CPLX2: variants seen among roughly 807,000 people sequenced by gnomAD.
CPLX2 encodes complexin-2.
A neutral mutation model predicts 16.3 loss-of-function variants in CPLX2; 5 were observed. That is an observed-to-expected ratio of 0.31 (90% CI 0.16 to 0.64). CPLX2 has a LOEUF of 0.64. Ranked by LOEUF, CPLX2 falls within the 30% of genes least tolerant of loss-of-function variation. The pLI is 0.79. For synonymous variants in CPLX2, 89 were observed against 73.2 expected, an observed-to-expected ratio of 1.22 and a Z score of -1.10; for missense variants, 144 against 181.4, an observed-to-expected ratio of 0.79 and a Z score of 1.18.
intron 2 of CPLX2, among the ~76,000 whole-genome samples, chr5:175,860,047 C>T (rs1033055534): frequency 1.6e-4 from 25 of 152,264 alleles, no homozygotes; most frequent in Non-Finnish European, 2.4e-4. Context: ...CCCTCACACA[C>T]TGTCATCAGG....
intron 1 of CPLX2, among the ~76,000 whole-genome samples, chr5:175,799,539 C>CATATATATATTT (rs1227041477): frequency 0.046 from 3,286 of 72,018 alleles, 181 homozygotes; most frequent in African/African-American, 0.068. Context: ...TTGCAAATTT[C>CATATATATATTT]ATATATATAT....
rs534615771 is a variant in CPLX2 at position 175,877,763 on chromosome 5, T to C, written c.-88-889T>C. ...TCCCCCACCACCTCCACTGGAAGAG[T>C]TCCACTTTTACATATTTTGCATATT... On this transcript the variant is annotated intron_variant, in intron 1 of 3. Transcript: ENST00000393745. 5.9e-4 allele frequency among the ~76,000 whole-genome samples: 90 copies of C among 151,984 alleles called. No homozygotes were observed. The East Asian group carries it at 7.0e-3, about 12-fold the overall frequency.
At chr5:175,851,880 T>C (rs537623733) in intron 2 of CPLX2, among the ~76,000 whole-genome samples, 1 of 152,356 alleles carries the variant, frequency 6.6e-6, no homozygotes, top group African/African-American at 2.4e-5. Context: ...AAGAGGCAGA[T>C]GTATTTTGAC....
chr5:175,815,799 CCT>C (rs1758397242), intron 2 of CPLX2, among the ~76,000 whole-genome samples: 1 of 152,130 alleles, frequency 6.6e-6, no homozygotes, highest in Admixed American at 6.5e-5. Context: ...CAGCATTGAC[CCT>C]CTGTGTTACT....
At chr5:175,825,197 C>G (rs1758588811) in intron 2 of CPLX2, among the ~76,000 whole-genome samples, 1 of 152,044 alleles carries the variant, frequency 6.6e-6, no homozygotes, top group Non-Finnish European at 1.5e-5. Flanking sequence ...GAGATCAAGA[C>G]CATCCTGGCC....
chr5:175,842,891 G>A (rs768771456), intron 2 of CPLX2, among the ~76,000 whole-genome samples: 7 of 152,208 alleles, frequency 4.6e-5, no homozygotes, highest in Non-Finnish European at 8.8e-5. Flanking sequence ...GTGAGGGCCG[G>A]CACCCATGCT....
At chr5:175,870,845 C>T (rs1003861579), upstream of CPLX2, among the ~76,000 whole-genome samples, 1 of 152,178 alleles carries the variant, frequency 6.6e-6, no homozygotes, top group Non-Finnish European at 1.5e-5. Context: ...AGTTTTGCAT[C>T]AGTCTTCTCT....
At chr5:175,875,727 A>G (rs958535016) in intron 1 of CPLX2, among the ~76,000 whole-genome samples, 4 of 151,904 alleles carry the variant, frequency 2.6e-5, no homozygotes, top group African/African-American at 4.8e-5. Flanking sequence ...AGAAAAGGAG[A>G]ATTGGTTGGG....
At chr5:175,813,262 T>C (rs1037083756) in intron 2 of CPLX2, among the ~76,000 whole-genome samples, 1 of 152,208 alleles carries the variant, frequency 6.6e-6, no homozygotes. Context: ...GAAAATAAAA[T>C]TGTGATCTTT....
At chr5:175,873,413 T>C (rs1759682476) in intron 1 of CPLX2, among the ~76,000 whole-genome samples, 2 of 152,004 alleles carry the variant, frequency 1.3e-5, no homozygotes, top group Admixed American at 6.6e-5. Context: ...GGATCTACCA[T>C]GTACCAGGAC....
At chr5:175,800,956 A>C (rs1488028872) in intron 1 of CPLX2, among the ~76,000 whole-genome samples, 3 of 152,218 alleles carry the variant, frequency 2.0e-5, no homozygotes. Context: ...GGCAGAGGAA[A>C]TCGCTCTGGC....
At position 175,880,085 on chromosome 5, in the gene CPLX2, T is replaced by A. The variant is rs1177882628; in HGVS notation, c.*40T>A. On this transcript the variant is annotated 3_prime_UTR_variant, in exon 4 of 4. Transcript: ENST00000393745. ...CCAGCCTACTCCACCTGTTACTACT[T>A]CTTTTTGGTTCTTTCTTTTCTTTTT... The A allele has an allele frequency of 1.9e-6, 3 of 1,567,660 alleles. No homozygotes were observed. Among genetic ancestry groups the A allele is most frequent in the Non-Finnish European group, 2.6e-6 (3 of 1,152,654 alleles).
chr5:175,841,469 T>C (rs1247567418), intron 2 of CPLX2, among the ~76,000 whole-genome samples: 4 of 152,152 alleles, frequency 2.6e-5, no homozygotes, highest in Admixed American at 1.3e-4. Flanking sequence ...GAAGCTAGAA[T>C]AGAGGCAACC....
At chr5:175,871,247 G>A (rs1319697868), upstream of CPLX2, among the ~76,000 whole-genome samples, 1 of 151,164 alleles carries the variant, frequency 6.6e-6, no homozygotes, top group East Asian at 2.0e-4. Flanking sequence ...GCAGGGAGGC[G>A]GCAGGGGCGT....
Position 175,815,273 on chromosome 5 carries a change from C to G in CPLX2, c.-89+6205C>G, listed in dbSNP as rs569511672. ...CCTAGGGGAAGGGTACTGGGCAAGT[C>G]TGATCCTTGGCCCCAGGGCTGAAAA... On this transcript the variant is annotated intron_variant, in intron 2 of 4. Coordinates refer to the CPLX2 transcript ENST00000359546. 3.3e-5 allele frequency among the ~76,000 whole-genome samples: 5 copies of G among 152,332 alleles called. No homozygotes were observed. The South Asian group carries it at 1.0e-3, about 32-fold the overall frequency.
chr5:175,833,979 G>A (rs984932333), intron 2 of CPLX2, among the ~76,000 whole-genome samples: 1 of 152,328 alleles, frequency 6.6e-6, no homozygotes, highest in South Asian at 2.1e-4. Context: ...TGGGCTCAGC[G>A]TTCCTCCCTG....
At chr5:175,828,398 C>T (rs553261529) in intron 2 of CPLX2, among the ~76,000 whole-genome samples, 1 of 152,156 alleles carries the variant, frequency 6.6e-6, no homozygotes, top group Admixed American at 6.5e-5. Flanking sequence ...AAGCAACGCA[C>T]GTTAGAGGGT....
chr5:175,860,016 T>A (rs903001083), intron 2 of CPLX2, among the ~76,000 whole-genome samples: 2 of 152,214 alleles, frequency 1.3e-5, no homozygotes, highest in Non-Finnish European at 2.9e-5. Context: ...GAAAAGTGCA[T>A]GAGCAGAGCC....
intron 2 of CPLX2, among the ~76,000 whole-genome samples, chr5:175,829,219 G>A (rs1015955280): frequency 6.6e-6 from 1 of 152,232 alleles, no homozygotes; most frequent in Non-Finnish European, 1.5e-5. Flanking sequence ...CAACAGCCCT[G>A]CAAGGGAGGC....
Sources: gnomAD v4.1 joint callset for allele counts (sites outside exome capture counted in the v4.1 genomes callset) on GRCh38, gnomAD v4.1.1 for gene constraint, MANE v1.5 for transcripts, NCBI Gene and HGNC (gene_info 2026-07-23, HGNC 2026-07-21) for gene names.